The following PDE1C variants were observed in gnomAD, a reference collection of about 807,000 sequenced individuals.
PDE1C encodes dual specificity calcium/calmodulin-dependent 3',5'-cyclic nucleotide phosphodiesterase 1C.
PDE1C carries 62 observed loss-of-function variants against 93.1 expected under a neutral mutation model. The observed-to-expected ratio is 0.67, with a 90% CI of 0.54 to 0.82. PDE1C has a LOEUF of 0.82. Ranked by LOEUF, PDE1C falls within the 40% of genes least tolerant of loss-of-function variation. The pLI is 0.00. For synonymous variants in PDE1C, 325 were observed against 310.1 expected, an observed-to-expected ratio of 1.05 and a Z score of -0.50; for missense variants, 742 against 884.6, an observed-to-expected ratio of 0.84 and a Z score of 2.04.
chr7:31,920,979 C>T (rs1334773825), intron 2 of PDE1C, among the ~76,000 whole-genome samples: 1 of 152,152 alleles, frequency 6.6e-6, no homozygotes, highest in African/African-American at 2.4e-5. Flanking sequence ...ACTGAGTTTT[C>T]AGTAGAAGAG....
chr7:31,622,610 G>C, the PDE1C span, among the ~76,000 whole-genome samples: 1 of 151,958 alleles, frequency 6.6e-6, no homozygotes, highest in South Asian at 2.1e-4. Flanking sequence ...TCAAAGCACT[G>C]TGTAGAGGGA....
intron 2 of PDE1C, among the ~76,000 whole-genome samples, chr7:31,956,007 G>A (rs1397376780): frequency 6.6e-6 from 1 of 152,186 alleles, no homozygotes; most frequent in African/African-American, 2.4e-5. Flanking sequence ...CAAGTAAAAT[G>A]GGATTAACAA....
chr7:32,387,024 C>A (rs1165414769), intron 1 of PDE1C, among the ~76,000 whole-genome samples: 3 of 151,190 alleles, frequency 2.0e-5, no homozygotes, highest in Non-Finnish European at 4.4e-5. Flanking sequence ...ACCCTGCGGC[C>A]TTCCGCAGTG....
chr7:32,232,769 A>C (rs1807800752), intron 1 of PDE1C, among the ~76,000 whole-genome samples: 1 of 152,200 alleles, frequency 6.6e-6, no homozygotes, highest in Non-Finnish European at 1.5e-5. Context: ...TCCATCCCAG[A>C]CTGACTACTA....
At chr7:32,203,835 A>G (rs73104598) in intron 2 of PDE1C, among the ~76,000 whole-genome samples, 14,855 of 152,210 alleles carry the variant, frequency 0.098, 873 homozygotes, top group South Asian at 0.19. Context: ...TGCAACAACA[A>G]AACTAGCACG....
intron 2 of PDE1C, among the ~76,000 whole-genome samples, chr7:32,033,565 C>T (rs959003587): frequency 1.1e-4 from 16 of 152,062 alleles, no homozygotes; most frequent in Admixed American, 8.5e-4. Flanking sequence ...AAGTGGTTCC[C>T]GAGCACAGTC....
At chr7:32,382,769 T>A (rs1784557569) in intron 1 of PDE1C, among the ~76,000 whole-genome samples, 1 of 152,194 alleles carries the variant, frequency 6.6e-6, no homozygotes, top group African/African-American at 2.4e-5. Flanking sequence ...CAAATTTGAA[T>A]TTGAAAAATT....
chr7:32,242,144 G>A lies in PDE1C; in HGVS notation c.86-32605C>T, dbSNP rs139680265. On this transcript the variant is annotated intron_variant, in intron 1 of 18. Coordinates refer to the PDE1C transcript ENST00000396193. ...TGAGGCAGTAAGCATGGTTTACCTG[G>A]ATTTGGGGTTTGCCAAGCAAATAGA... Among the ~76,000 whole-genome samples the A allele has an allele frequency of 4.4e-4, 67 of 152,260 alleles. 1 individual carries two copies. The highest frequency in any genetic ancestry group is 1.6e-3 in the African/African-American group (66 of 41,564).
intron 1 of PDE1C, among the ~76,000 whole-genome samples, chr7:32,320,442 G>A (rs12538782): frequency 0.077 from 11,666 of 152,040 alleles, 517 homozygotes; most frequent in East Asian, 0.13. Context: ...TGATCTGTGC[G>A]GCAAACCACC....
chr7:32,232,055 C>T (rs1171004282), intron 1 of PDE1C, among the ~76,000 whole-genome samples: 2 of 152,070 alleles, frequency 1.3e-5, no homozygotes, highest in Non-Finnish European at 2.9e-5. Context: ...CCCTATCTCT[C>T]CCACTGAATG....
the PDE1C span, chr7:31,656,027 A>T: frequency 1.0e-6 from 1 of 984,496 alleles, no homozygotes; most frequent in Non-Finnish European, 1.2e-6. Context: ...CAAATGAAGT[A>T]TCTCACCAGT....
intron 3 of PDE1C, among the ~76,000 whole-genome samples, chr7:32,147,021 A>C (rs1214551483): frequency 6.6e-6 from 1 of 152,104 alleles, no homozygotes; most frequent in Non-Finnish European, 1.5e-5. Context: ...TTCAAGATGC[A>C]AGTACAAAGA....
intron 2 of PDE1C, among the ~76,000 whole-genome samples, chr7:31,926,315 C>T (rs986063936): frequency 6.6e-6 from 1 of 152,180 alleles, no homozygotes; most frequent in African/African-American, 2.4e-5. Context: ...AGTGTACTGT[C>T]ATGAGAATTA....
intron 3 of PDE1C, among the ~76,000 whole-genome samples, chr7:32,146,045 G>C (rs747088515): frequency 1.3e-5 from 2 of 152,182 alleles, no homozygotes; most frequent in African/African-American, 2.4e-5. Flanking sequence ...GGGGTAGTTA[G>C]CATGGGGGAA....
At chr7:32,337,033 A>C (rs530968370) in intron 1 of PDE1C, among the ~76,000 whole-genome samples, 1 of 151,924 alleles carries the variant, frequency 6.6e-6, no homozygotes, top group South Asian at 2.1e-4. Flanking sequence ...TTCTGCTTTC[A>C]TGTTTCTTAA....
chr7:32,007,729 TTTTC>T (rs1337694044), intron 2 of PDE1C, among the ~76,000 whole-genome samples: 2 of 152,230 alleles, frequency 1.3e-5, no homozygotes, highest in African/African-American at 4.8e-5. Context: ...TACCTTTTTA[TTTTC>T]TTTATCTTAT....
intron 2 of PDE1C, among the ~76,000 whole-genome samples, chr7:32,041,790 T>G (rs1791851997): frequency 6.6e-6 from 1 of 152,226 alleles, no homozygotes; most frequent in Admixed American, 6.5e-5. Flanking sequence ...GTTGTTTTTT[T>G]GTTAAGTCTT....
At chr7:31,794,599 T>C (rs552505991) in intron 16 of PDE1C, among the ~76,000 whole-genome samples, 2 of 152,118 alleles carry the variant, frequency 1.3e-5, no homozygotes, top group South Asian at 4.1e-4. Context: ...ACAAAGACAA[T>C]GATTAAAACA....
intron 1 of PDE1C, among the ~76,000 whole-genome samples, chr7:32,331,674 A>G (rs1585112673): frequency 1.3e-5 from 2 of 152,180 alleles, no homozygotes; most frequent in Non-Finnish European, 2.9e-5. Flanking sequence ...GGGCGATGTG[A>G]TCCAATGGGA....
Sources: gnomAD v4.1 joint callset for allele counts (sites outside exome capture counted in the v4.1 genomes callset) on GRCh38, gnomAD v4.1.1 for gene constraint, MANE v1.5 for transcripts, NCBI Gene and HGNC (gene_info 2026-07-23, HGNC 2026-07-21) for gene names.